Variants in RSPH9 observed in about 807,000 individuals in gnomAD.
The protein encoded by RSPH9 is radial spoke head protein 9 homolog.
In RSPH9, 27 loss-of-function variants were observed where a neutral mutation model predicts 27.0. The observed-to-expected ratio is 1.00, with a 90% CI of 0.74 to 1.38. The LOEUF (loss-of-function observed/expected upper bound fraction) is 1.38, where lower values mean the gene tolerates loss of function less well. Ranked by LOEUF, RSPH9 falls within the 40% of genes most tolerant of loss-of-function variation. The pLI, the probability that RSPH9 is intolerant of heterozygous loss-of-function variation, is 0.00. For synonymous variants in RSPH9, 145 were observed against 147.7 expected (o/e 0.98, Z 0.13); for missense variants, 347 against 357.4 (o/e 0.97, Z 0.24).
At chr6:43,656,493 T>C in intron 3 of RSPH9, 84 bp from the exon 4 acceptor site, 1 of 1,492,242 alleles carries the variant, frequency 6.7e-7, no homozygotes, top group Non-Finnish European at 9.3e-7. Flanking sequence ...TTGTAAGCCC[T>C]ACCATGTGGT....
rs78195027 is a variant in RSPH9 at position 43,646,969 on chromosome 6, A to G, written c.227+1644A>G. On this transcript the variant is annotated intron_variant, in intron 1 of 4. Coordinates refer to ENST00000372163, the MANE Select transcript of RSPH9 (RefSeq NM_152732.5). ...GACTCCGTCTCAAAAAAAAAAAAAG[A>G]AAAAAAAAAAGGAAAATTTGCAGGG... Among the ~76,000 whole-genome samples, 277 of 98,596 alleles carry G rather than the reference A, an allele frequency of 2.8e-3. 1 individual carries two copies. In the African/African-American group the frequency reaches 0.033, roughly 12 times the overall value. The allele number at this position is 98,596 out of a possible 152,430, so 64.7% of individuals were successfully genotyped here. A position where few individuals can be genotyped will look rare whatever the true frequency, so the allele number is the denominator to read the frequency against.
chr6:43,656,858 G>A, intron 4 of RSPH9, 135 bp downstream of exon 4: 3 of 950,082 alleles, frequency 3.2e-6, no homozygotes, highest in Non-Finnish European at 1.7e-6. Flanking sequence ...GTTTTTGAGG[G>A]TGGAGCTTCC....
At chr6:43,649,172 T>C (rs1771183078) in intron 1 of RSPH9, among the ~76,000 whole-genome samples, 1 of 151,986 alleles carries the variant, frequency 6.6e-6, no homozygotes, top group Non-Finnish European at 1.5e-5. Context: ...AGCAGTTTTT[T>C]TTTGTTTTGT....
rs138990033 is a variant in RSPH9 at position 43,671,463 on chromosome 6, G to T, written c.*514G>T. ...GCGCACACCCAATGGGTAAGCCCAT[G>T]AACCCAGTTTATGACACTGCGTTGG... On this transcript the variant is annotated 3_prime_UTR_variant, in exon 5 of 5. Coordinates refer to ENST00000372163, the MANE Select transcript of RSPH9 (RefSeq NM_152732.5). The T allele has an allele frequency of 4.6e-4, 222 of 479,690 alleles. 2 individuals are homozygous for T. The highest frequency in any genetic ancestry group is 4.1e-3 in the Middle Eastern group (7 of 1,710). 29.7% of individuals were successfully genotyped at this position (479,690 alleles called of 1,614,324 possible).
chr6:43,649,170 T>G (rs892259787), intron 1 of RSPH9, among the ~76,000 whole-genome samples: 9 of 152,020 alleles, frequency 5.9e-5, no homozygotes, highest in African/African-American at 2.2e-4. Context: ...TGAGCAGTTT[T>G]TTTTTGTTTT....
intron 4 of RSPH9, among the ~76,000 whole-genome samples, chr6:43,657,559 T>TA (rs1275520314): frequency 1.3e-5 from 2 of 152,222 alleles, no homozygotes; most frequent in Non-Finnish European, 2.9e-5. Context: ...AACAATAGTT[T>TA]AAATGACAAT....
At chr6:43,645,842 G>A (rs1225961728) in intron 1 of RSPH9, among the ~76,000 whole-genome samples, 1 of 152,174 alleles carries the variant, frequency 6.6e-6, no homozygotes, top group Non-Finnish European at 1.5e-5. Flanking sequence ...CTTTGATAGA[G>A]GTATCTGCTC....
chr6:43,653,402 G>A (rs557812694), intron 2 of RSPH9, among the ~76,000 whole-genome samples: 44 of 146,488 alleles, frequency 3.0e-4, no homozygotes, highest in African/African-American at 7.5e-4. Flanking sequence ...AGCCAAGATC[G>A]CGTCATTGCA....
intron 4 of RSPH9, among the ~76,000 whole-genome samples, chr6:43,658,480 T>TA (rs536397285): frequency 1.3e-5 from 2 of 152,094 alleles, no homozygotes; most frequent in Non-Finnish European, 2.9e-5. Context: ...CTAAAAATGT[T>TA]AAAAAAATTA....
chr6:43,645,543 CTG>C (rs1460834836), intron 1 of RSPH9, among the ~76,000 whole-genome samples: 2 of 152,142 alleles, frequency 1.3e-5, no homozygotes, highest in Admixed American at 1.3e-4. Context: ...GTCTCGGAAT[CTG>C]AGGCTAGGGC....
chr6:43,653,653 C>G (rs1771715964), intron 2 of RSPH9, among the ~76,000 whole-genome samples: 2 of 152,164 alleles, frequency 1.3e-5, no homozygotes, highest in African/African-American at 4.8e-5. Context: ...GAGCCCTCAG[C>G]TGCATCCTCA....
chr6:43,645,834 T>C (rs1437257756), intron 1 of RSPH9, among the ~76,000 whole-genome samples: 1 of 152,184 alleles, frequency 6.6e-6, no homozygotes, highest in Non-Finnish European at 1.5e-5. Flanking sequence ...GTGGTGCTCT[T>C]TGATAGAGGT....
chr6:43,670,652 G>A, intron 4 of RSPH9, 137 bp from the exon 5 acceptor site: 1 of 676,226 alleles, frequency 1.5e-6, no homozygotes, highest in East Asian at 2.7e-5. Flanking sequence ...TAAAGCATCT[G>A]GAGAATTAAA....
chr6:43,668,177 T>C (rs912454491), intron 4 of RSPH9, among the ~76,000 whole-genome samples: 1 of 152,124 alleles, frequency 6.6e-6, no homozygotes, highest in African/African-American at 2.4e-5. Context: ...CCCCGAGTCC[T>C]GGAGGCGGTG....
chr6:43,666,650 G>A, intron 4 of RSPH9: 1 of 611,486 alleles, frequency 1.6e-6, no homozygotes, highest in Non-Finnish European at 2.9e-6. Context: ...AAAGTTCCAT[G>A]GGAGTGGGTA....
chr6:43,658,015 T>C (rs1355740104), intron 4 of RSPH9, among the ~76,000 whole-genome samples: 1 of 151,798 alleles, frequency 6.6e-6, no homozygotes, highest in African/African-American at 2.4e-5. Context: ...ACCAGCCGGG[T>C]GCGGTGGCTC....
At chr6:43,653,319 C>T (rs1022960665) in intron 2 of RSPH9, among the ~76,000 whole-genome samples, 20 of 151,860 alleles carry the variant, frequency 1.3e-4, no homozygotes, top group Non-Finnish European at 2.2e-4. Flanking sequence ...GGCACAGTGG[C>T]GCCTGTAATC....
At chr6:43,668,920 C>T (rs577975459) in intron 4 of RSPH9, among the ~76,000 whole-genome samples, 32 of 152,256 alleles carry the variant, frequency 2.1e-4, no homozygotes, top group Admixed American at 9.8e-4. Context: ...TGCTTCTTGT[C>T]CAAGGCTGAA....
chr6:43,664,989 CCT>C (rs917273323), intron 4 of RSPH9, among the ~76,000 whole-genome samples: 4 of 152,202 alleles, frequency 2.6e-5, no homozygotes, highest in South Asian at 4.1e-4. Flanking sequence ...AGCCCTGTCC[CCT>C]GATTCAGGGT....
Sources: gnomAD v4.1 joint callset for allele counts (sites outside exome capture counted in the v4.1 genomes callset) on GRCh38, gnomAD v4.1.1 for gene constraint, MANE v1.5 for transcripts, NCBI Gene and HGNC (gene_info 2026-07-23, HGNC 2026-07-21) for gene names.